ADAM7: variants seen among roughly 807,000 people sequenced by gnomAD.
The protein encoded by ADAM7 is disintegrin and metalloproteinase domain-containing protein 7.
A neutral mutation model predicts 102.9 loss-of-function variants in ADAM7; 97 were observed. The ratio of observed to expected loss-of-function variants is 0.94; its 90% CI spans 0.80 to 1.12. ADAM7 has a LOEUF of 1.12. ADAM7 is among the 50% of genes most tolerant of loss of function. The pLI is 0.00. For missense variants in ADAM7, 991 were observed against 908.7 expected (o/e 1.09, Z -1.16); for synonymous variants, 334 against 304.4 (o/e 1.10, Z -1.01).
chr8:24,461,776 T>G (rs1178464905), intron 3 of ADAM7, among the ~76,000 whole-genome samples: 2 of 16,692 alleles, frequency 1.2e-4, no homozygotes, highest in Non-Finnish European at 2.4e-4. Flanking sequence ...ATTTTAAGGA[T>G]ATCAAGTAAA....
intron 7 of ADAM7, among the ~76,000 whole-genome samples, chr8:24,471,345 T>C (rs567924457): frequency 6.6e-6 from 1 of 152,184 alleles, no homozygotes; most frequent in Non-Finnish European, 1.5e-5. Context: ...AAGTCCACCG[T>C]AGGGTACAGT....
rs568132394 is a variant in ADAM7, at chr8:24,476,103, T to G, written c.634-330T>G. 7.4e-5 allele frequency: 29 copies of G among 391,598 alleles called. No individual in the cohort carries two copies. The East Asian group carries it at 1.7e-3, about 22-fold the overall frequency. The allele number at this position is 391,598 out of a possible 1,614,324, so 24.3% of individuals were successfully genotyped here. The stretch of plus-strand genomic sequence containing the variant: ...AGCTTTAATAGGTTTGTTTCATCAA[T>G]GTGATAAAAATGGACTCTAAAGAAC... On this transcript the variant is annotated intron_variant, in intron 7 of 21. Coordinates refer to ENST00000175238, the MANE Select transcript of ADAM7 (RefSeq NM_003817.4).
intron 3 of ADAM7, among the ~76,000 whole-genome samples, chr8:24,451,318 C>G (rs1351687562): frequency 6.6e-6 from 1 of 152,170 alleles, no homozygotes; most frequent in Admixed American, 6.5e-5. Flanking sequence ...ATTATTGCCA[C>G]AATTTCAGAG....
chr8:24,489,884 T>C (rs1820280596), intron 12 of ADAM7, among the ~76,000 whole-genome samples: 1 of 152,212 alleles, frequency 6.6e-6, no homozygotes, highest in Non-Finnish European at 1.5e-5. Context: ...ATAGAAGCTA[T>C]TTCTTTCAAG....
chr8:24,472,133 A>C (rs1021894017), intron 7 of ADAM7, among the ~76,000 whole-genome samples: 156 of 151,660 alleles, frequency 1.0e-3, no homozygotes, highest in Middle Eastern at 3.4e-3. Context: ...AAAAAAAAAA[A>C]AAAAACAGGT....
At chr8:24,507,629 C>T (rs1820997648) in intron 21 of ADAM7, 94 bp downstream of exon 21, 4 of 1,035,666 alleles carry the variant, frequency 3.9e-6, no homozygotes, top group South Asian at 1.3e-5. Flanking sequence ...TTACTGGGGA[C>T]ATCCTCTGTA....
Position 24,509,280 on chromosome 8 carries a change from C to T in ADAM7, c.*734C>T, listed in dbSNP as rs1821042403. The T allele has an allele frequency of 1.0e-6, 1 of 985,274 alleles. No individual in the cohort carries two copies. Among genetic ancestry groups the T allele is most frequent in the Non-Finnish European group, 1.2e-6 (1 of 829,956 alleles). The allele number at this position is 985,274 out of a possible 1,614,324, so 61.0% of individuals were successfully genotyped here. Reference sequence around the variant, plus strand: ...TACTCACAACTCCTATGAAGGGTTTCTAAGGTCTTTGTCCTGTGCAATTTG... The same window carrying T: ...TACTCACAACTCCTATGAAGGGTTTTTAAGGTCTTTGTCCTGTGCAATTTG... On this transcript the variant is annotated 3_prime_UTR_variant, in exon 22 of 22. Coordinates refer to ENST00000175238, the MANE Select transcript of ADAM7 (RefSeq NM_003817.4).
intron 3 of ADAM7, among the ~76,000 whole-genome samples, chr8:24,455,214 A>T (rs1818986631): frequency 6.6e-6 from 1 of 152,190 alleles, no homozygotes; most frequent in African/African-American, 2.4e-5. Flanking sequence ...ACATATACCC[A>T]TAGATCCATT....
At chr8:24,505,669 T>G (rs7002581) in intron 20 of ADAM7, among the ~76,000 whole-genome samples, 109,806 of 151,998 alleles carry the variant, frequency 0.72, 40,468 homozygotes, top group African/African-American at 0.81. Context: ...GGCATCCAGG[T>G]CCTCTCACAG....
chr8:24,509,310 T>C lies in ADAM7; in HGVS notation c.*764T>C, dbSNP rs1821042693. On this transcript the variant is annotated 3_prime_UTR_variant, in exon 22 of 22. Transcript: ENST00000175238. ...GTCTTTGTCCTGTGCAATTTGACAATGTGCCATTTCTGTGCTGTCTCTGCC... is the reference window on the plus strand; with the variant it reads ...GTCTTTGTCCTGTGCAATTTGACAACGTGCCATTTCTGTGCTGTCTCTGCC... The C allele has an allele frequency of 1.0e-6, 1 of 985,414 alleles. No individual in the cohort carries two copies. Among genetic ancestry groups the C allele is most frequent in the African/African-American group, 1.7e-5 (1 of 57,358 alleles). The allele number at this position is 985,414 out of a possible 1,614,324, so 61.0% of individuals were successfully genotyped here.
At chr8:24,501,751 G>A (rs1693038316) in intron 20 of ADAM7, among the ~76,000 whole-genome samples, 175 bp downstream of exon 20, 1 of 151,704 alleles carries the variant, frequency 6.6e-6, no homozygotes, top group Non-Finnish European at 1.5e-5. Context: ...AGGAAAGAGG[G>A]CAGGATTCAA....
chr8:24,478,566 G>A (rs964684779), intron 8 of ADAM7, among the ~76,000 whole-genome samples: 3 of 152,102 alleles, frequency 2.0e-5, no homozygotes, highest in African/African-American at 7.2e-5. Context: ...CACGTTGAAA[G>A]GGAGGTCATT....
intron 7 of ADAM7, chr8:24,475,996 T>C (rs1255206175): frequency 6.6e-6 from 3 of 455,958 alleles, no homozygotes; most frequent in Non-Finnish European, 1.3e-5. Context: ...GGTTTTTAAA[T>C]TACATATTCC....
At chr8:24,459,792 T>C (rs529680490) in intron 3 of ADAM7, among the ~76,000 whole-genome samples, 91 of 152,286 alleles carry the variant, frequency 6.0e-4, no homozygotes, top group African/African-American at 1.7e-3. Context: ...ATAATTGTAA[T>C]TGGTTGTCTA....
chr8:24,480,897 GAAAT>G (rs1015188954), intron 8 of ADAM7, among the ~76,000 whole-genome samples: 19 of 151,954 alleles, frequency 1.3e-4, no homozygotes, highest in Admixed American at 9.9e-4. Flanking sequence ...ACAACAAAAA[GAAAT>G]AAATAAATAA....
chr8:24,480,296 T>A (rs940784685), intron 8 of ADAM7, among the ~76,000 whole-genome samples: 13 of 152,194 alleles, frequency 8.5e-5, no homozygotes, highest in African/African-American at 3.1e-4. Flanking sequence ...TAGCACATTA[T>A]AAAACAAACA....
At chr8:24,480,338 G>A (rs1819907511) in intron 8 of ADAM7, among the ~76,000 whole-genome samples, 1 of 152,136 alleles carries the variant, frequency 6.6e-6, no homozygotes, top group Non-Finnish European at 1.5e-5. Flanking sequence ...AAGCCCGTGT[G>A]CCTGGCCATT....
chr8:24,458,361 G>A (rs1819116151), intron 3 of ADAM7, among the ~76,000 whole-genome samples: 2 of 152,232 alleles, frequency 1.3e-5, no homozygotes, highest in South Asian at 4.1e-4. Flanking sequence ...AGTTTTCAAT[G>A]TGGAGCTCTC....
At chr8:24,489,080 C>T (rs1820245673) in intron 11 of ADAM7, 79 bp from the exon 12 acceptor site, 3 of 1,305,182 alleles carry the variant, frequency 2.3e-6, no homozygotes. Flanking sequence ...TTTTCAAATG[C>T]TTCATAAAAT....
Sources: gnomAD v4.1 joint callset for allele counts (sites outside exome capture counted in the v4.1 genomes callset) on GRCh38, gnomAD v4.1.1 for gene constraint, MANE v1.5 for transcripts, NCBI Gene and HGNC (gene_info 2026-07-23, HGNC 2026-07-21) for gene names.